Variants in CGNL1 observed in about 807,000 individuals in gnomAD.
CGNL1 encodes the protein cingulin-like protein 1.
A neutral mutation model predicts 141.2 loss-of-function variants in CGNL1; 132 were observed. The observed-to-expected ratio is 0.93, with a 90% CI of 0.81 to 1.08. CGNL1 has a LOEUF of 1.08. Among genes scored for constraint, CGNL1 ranks in the 50% least tolerant of loss-of-function variants. CGNL1 has a pLI of 0.00. For missense variants in CGNL1, 1,870 were observed against 1,588.6 expected, an observed-to-expected ratio of 1.18 and a Z score of -3.01; for synonymous variants, 690 against 622.1, an observed-to-expected ratio of 1.11 and a Z score of -1.63.
intron 8 of CGNL1, among the ~76,000 whole-genome samples, chr15:57,473,025 T>A (rs2063602288): frequency 6.6e-6 from 1 of 152,060 alleles, no homozygotes; most frequent in Non-Finnish European, 1.5e-5. Flanking sequence ...TCTGGAAGTG[T>A]GAGTAACAAA....
intron 8 of CGNL1, among the ~76,000 whole-genome samples, chr15:57,464,220 T>C (rs1300133119): frequency 6.6e-6 from 1 of 152,224 alleles, no homozygotes; most frequent in African/African-American, 2.4e-5. Context: ...GGCATGTCCT[T>C]TGCTGGAGCG....
intron 10 of CGNL1, among the ~76,000 whole-genome samples, chr15:57,520,419 C>T (rs1459612933): frequency 1.7e-4 from 26 of 152,154 alleles, no homozygotes; most frequent in Admixed American, 1.4e-3. Flanking sequence ...TGCATCTTCA[C>T]GTATGATAAA....
chr15:57,458,767 C>T (rs1394794072), intron 7 of CGNL1, among the ~76,000 whole-genome samples: 1 of 152,122 alleles, frequency 6.6e-6, no homozygotes, highest in Non-Finnish European at 1.5e-5. Flanking sequence ...GGCAGCAGGG[C>T]GTCCTCTTTG....
chr15:57,442,538 G>A, intron 4 of CGNL1, 60 bp downstream of exon 4: 2 of 1,053,774 alleles, frequency 1.9e-6, no homozygotes, highest in Non-Finnish European at 1.5e-6. Context: ...TAAACAACTT[G>A]CTGTTTCTTC....
chr15:57,487,444 A>G (rs1255995115), intron 8 of CGNL1, among the ~76,000 whole-genome samples: 3 of 152,214 alleles, frequency 2.0e-5, no homozygotes, highest in African/African-American at 7.2e-5. Flanking sequence ...CCATTTGGCC[A>G]GTACTGACAT....
At chr15:57,524,393 C>T (rs1027048613) in intron 11 of CGNL1, among the ~76,000 whole-genome samples, 188 bp from the exon 12 acceptor site, 16 of 152,218 alleles carry the variant, frequency 1.1e-4, no homozygotes, top group African/African-American at 3.4e-4. Context: ...CGTGCCTGCT[C>T]ACTCCTCCAT....
At chr15:57,460,168 C>T (rs1336109842) in intron 7 of CGNL1, among the ~76,000 whole-genome samples, 2 of 151,856 alleles carry the variant, frequency 1.3e-5, no homozygotes, top group African/African-American at 4.8e-5. Flanking sequence ...CTTGGCACTA[C>T]AAGAAAGAAG....
chr15:57,391,021 C>T (rs906200048), intron 1 of CGNL1, among the ~76,000 whole-genome samples: 9 of 152,306 alleles, frequency 5.9e-5, no homozygotes, highest in South Asian at 2.1e-4. Context: ...TCCCAATCTT[C>T]ATAAGGATCC....
At chr15:57,498,883 G>C (rs1211979613) in intron 8 of CGNL1, among the ~76,000 whole-genome samples, 1 of 152,060 alleles carries the variant, frequency 6.6e-6, no homozygotes, top group Non-Finnish European at 1.5e-5. Context: ...AGGAGGAGGA[G>C]TGTGGTGTGA....
At chr15:57,483,941 C>G (rs970342483) in intron 8 of CGNL1, among the ~76,000 whole-genome samples, 1 of 152,212 alleles carries the variant, frequency 6.6e-6, no homozygotes, top group African/African-American at 2.4e-5. Flanking sequence ...CTGGAATAAA[C>G]TTCACTTGAT....
At chr15:57,531,641 T>G in intron 13 of CGNL1, 49 bp from the exon 14 acceptor site, 2 of 1,221,494 alleles carry the variant, frequency 1.6e-6, no homozygotes, top group Non-Finnish European at 2.4e-6. Flanking sequence ...TTGCTGTTAA[T>G]CCCGGTCAGT....
chr15:57,444,496 A>T (rs372587940), intron 4 of CGNL1, among the ~76,000 whole-genome samples: 2 of 152,286 alleles, frequency 1.3e-5, no homozygotes, highest in East Asian at 3.9e-4. Flanking sequence ...CTCGTAAATT[A>T]TACCTGTTTG....
intron 8 of CGNL1, among the ~76,000 whole-genome samples, chr15:57,515,684 ACC>A (rs2030716678): frequency 6.6e-6 from 1 of 152,100 alleles, no homozygotes; most frequent in Non-Finnish European, 1.5e-5. Flanking sequence ...AGCCCCTGTG[ACC>A]TCTGGAATCA....
At chr15:57,415,857 C>T (rs1369148657) in intron 1 of CGNL1, among the ~76,000 whole-genome samples, 2 of 152,194 alleles carry the variant, frequency 1.3e-5, no homozygotes, top group African/African-American at 2.4e-5. Context: ...AGTAGCTCTG[C>T]CAGAAAAGGG....
chr15:57,467,073 A>G (rs1198389431), intron 8 of CGNL1, among the ~76,000 whole-genome samples: 1 of 152,194 alleles, frequency 6.6e-6, no homozygotes, highest in Non-Finnish European at 1.5e-5. Context: ...TTATTTTTAA[A>G]TACAGCACCT....
In CGNL1 at chr15:57,547,397, C is replaced by T. The variant is rs753145322; in HGVS notation, c.3816C>T (p.Asp1272=). The T allele has an allele frequency of 1.9e-5, 30 of 1,614,066 alleles. No homozygotes were observed. The highest frequency in any genetic ancestry group is 5.0e-5 in the Admixed American group (3 of 59,990). The change falls in exon 19 of 19, where the codon GAC becomes GAT. Residue 1272 remains aspartate (D), a synonymous_variant. Transcript: ENST00000281282. ...GTAAAGTGCTGGATGACATGGATGA[C>T]GACGATGACCTCAGCACGGATGGGG... ...LPSKVLDDMD[D]DDDLSTDGGS...
At chr15:57,540,653 T>C (rs1388759727) in intron 14 of CGNL1, among the ~76,000 whole-genome samples, 1 of 152,210 alleles carries the variant, frequency 6.6e-6, no homozygotes, top group Non-Finnish European at 1.5e-5. Flanking sequence ...GCTGGCCCTC[T>C]GAATCTGGGC....
At chr15:57,481,550 A>G (rs2087981) in intron 8 of CGNL1, among the ~76,000 whole-genome samples, 25,739 of 152,096 alleles carry the variant, frequency 0.17, 2,661 homozygotes, top group East Asian at 0.5. Flanking sequence ...GTGGTATTCT[A>G]TAGTATAGAT....
chr15:57,451,606 C>G lies in CGNL1; in HGVS notation c.1905+5C>G, dbSNP rs770587181. On this transcript the variant is annotated splice_donor_5th_base_variant and intron_variant, in intron 5 of 18. Coordinates refer to ENST00000281282, the MANE Select transcript of CGNL1 (RefSeq NM_032866.5). ...CAGCTTCAACTGGAAGTCAAGGTAT[C>G]TGGTTTTTCCTTTATGTTATTTTTT... The G allele has an allele frequency of 1.3e-5, 20 of 1,580,572 alleles. No homozygotes were observed. The South Asian group carries it at 1.4e-4, about 11-fold the overall frequency.
Sources: gnomAD v4.1 joint callset for allele counts (sites outside exome capture counted in the v4.1 genomes callset) on GRCh38, gnomAD v4.1.1 for gene constraint, MANE v1.5 for transcripts, NCBI Gene and HGNC (gene_info 2026-07-23, HGNC 2026-07-21) for gene names.